The following CACNA2D4 variants were observed in gnomAD, a reference collection of about 807,000 sequenced individuals.
CACNA2D4 encodes calcium voltage-gated channel auxiliary subunit alpha2delta 4.
In CACNA2D4, 157 loss-of-function variants were observed where a neutral mutation model predicts 163.8. The ratio of observed to expected loss-of-function variants is 0.96; its 90% CI spans 0.84 to 1.09. The LOEUF (loss-of-function observed/expected upper bound fraction) is 1.09, where lower values mean the gene tolerates loss of function less well. CACNA2D4 is among the 50% of genes least tolerant of loss of function. The probability of loss-of-function intolerance (pLI) is 0.00; values close to 1 mark genes in which losing one functional copy is unlikely to be tolerated. For missense variants in CACNA2D4, 1,410 were observed against 1,479.9 expected, an observed-to-expected ratio of 0.95 and a Z score of 0.78; for synonymous variants, 598 against 586.9, an observed-to-expected ratio of 1.02 and a Z score of -0.27.
rs1372626684 is a variant in CACNA2D4, at chr12:1,798,703, C to T, written c.2995+972G>A. ...GTAGGCCAGACCAGGGGGAGGAGCT[C>T]CAGGGGACAGGTACCCCAGAGAAGA... On this transcript the variant is annotated intron_variant, in intron 34 of 37. Coordinates refer to ENST00000382722, the MANE Select transcript of CACNA2D4 (RefSeq NM_172364.5). The surrounding 1 kb of genome is among the most constrained non-coding windows in gnomAD (Gnocchi z 4.3). Among the ~76,000 whole-genome samples, 2 of 152,128 alleles carry T rather than the reference C, an allele frequency of 1.3e-5. No individual in the cohort carries two copies. Among genetic ancestry groups the T allele is most frequent in the South Asian group, 4.1e-4 (2 of 4,822 alleles).
At chr12:1,837,232 G>A (rs1592700466) in intron 26 of CACNA2D4, among the ~76,000 whole-genome samples, 1 of 152,246 alleles carries the variant, frequency 6.6e-6, no homozygotes, top group Non-Finnish European at 1.5e-5. Flanking sequence ...CCGCACGGTG[G>A]GAGGGGAGGG....
In CACNA2D4 at chr12:1,844,287, G is replaced by A; in HGVS notation, c.2470+115C>T. Reference sequence around the variant, plus strand: ...GGAAGGCAGGAGGGGAACCCTGGTGGTCTGGACATTCTATTCCATATCTCG... The same window carrying A: ...GGAAGGCAGGAGGGGAACCCTGGTGATCTGGACATTCTATTCCATATCTCG... On this transcript the variant is annotated intron_variant, in intron 25 of 37. Coordinates refer to ENST00000382722, the MANE Select transcript of CACNA2D4 (RefSeq NM_172364.5). The surrounding 1 kb of genome is among the most constrained non-coding windows in gnomAD (Gnocchi z 4.2). 1.6e-6 allele frequency: 2 copies of A among 1,283,292 alleles called. No homozygotes were observed. Among genetic ancestry groups the A allele is most frequent in the South Asian group, 3.0e-5 (2 of 67,328 alleles). The allele number at this position is 1,283,292 out of a possible 1,614,324, so 79.5% of individuals were successfully genotyped here.
At chr12:1,885,283 A>G (rs770960986) in intron 9 of CACNA2D4, among the ~76,000 whole-genome samples, 1 of 152,162 alleles carries the variant, frequency 6.6e-6, no homozygotes, top group Non-Finnish European at 1.5e-5. Context: ...AGGGGAAATG[A>G]CTTGGTACAC....
In CACNA2D4 at chr12:1,829,042, G is replaced by C. The variant is rs1033437748; in HGVS notation, c.2551+11697C>G. On this transcript the variant is annotated intron_variant, in intron 26 of 37. Transcript: ENST00000382722. This position sits in a 1 kb window ranked among gnomAD's most constrained non-coding sequence, Gnocchi z 4.2. ...AGCCTGAATTATTCACCATGTGAGA[G>C]AGGCTGGCCCCTGAGTGACTCAGAT... 6.6e-6 allele frequency among the ~76,000 whole-genome samples: 1 copy of C among 152,208 alleles called. No individual in the cohort carries two copies. Among genetic ancestry groups the C allele is most frequent in the Non-Finnish European group, 1.5e-5 (1 of 68,046 alleles).
chr12:1,907,413 C>T (rs1204026364), intron 6 of CACNA2D4, 27 bp downstream of exon 6: 3 of 1,605,192 alleles, frequency 1.9e-6, no homozygotes, highest in East Asian at 2.2e-5. Context: ...CCCAGAAGGT[C>T]GGGGAGATGC....
At chr12:1,902,070 G>C (rs753122755) in intron 6 of CACNA2D4, among the ~76,000 whole-genome samples, 1 of 151,900 alleles carries the variant, frequency 6.6e-6, no homozygotes, top group Non-Finnish European at 1.5e-5. Flanking sequence ...ATGCAAATCA[G>C]TCAATATAAT....
chr12:1,851,001 G>A (rs754768859), intron 23 of CACNA2D4, among the ~76,000 whole-genome samples: 10 of 152,188 alleles, frequency 6.6e-5, no homozygotes, highest in Non-Finnish European at 1.5e-4. Context: ...TCCCTGAGCA[G>A]CTGAGTAGCT....
chr12:1,797,313 G>A (rs1032210068), intron 35 of CACNA2D4, 105 bp downstream of exon 35: 9 of 832,220 alleles, frequency 1.1e-5, no homozygotes, highest in East Asian at 2.7e-5. Context: ...CCTCCTCCCG[G>A]CTGTGGAGCC....
intron 1 of CACNA2D4, among the ~76,000 whole-genome samples, chr12:1,915,439 G>A (rs745938629): frequency 1.3e-5 from 2 of 152,216 alleles, no homozygotes; most frequent in Non-Finnish European, 2.9e-5. Context: ...CCTCAGGCCA[G>A]GGCCGGAGGA....
chr12:1,901,780 A>C (rs1866543396), intron 6 of CACNA2D4, among the ~76,000 whole-genome samples: 3 of 152,084 alleles, frequency 2.0e-5, no homozygotes, highest in African/African-American at 7.2e-5. Flanking sequence ...AAAGAACTAA[A>C]ACTGATACCA....
At position 1,882,419 on chromosome 12, in the gene CACNA2D4, C is replaced by G. The variant is rs79277589; in HGVS notation, c.1485+448G>C. Among the ~76,000 whole-genome samples, 1,107 of 151,840 alleles carry G rather than the reference C, an allele frequency of 7.3e-3. 13 individuals are homozygous for G. Among genetic ancestry groups the G allele is most frequent in the African/African-American group, 0.025 (1,043 of 41,400 alleles). On this transcript the variant is annotated intron_variant, in intron 13 of 37. Coordinates refer to ENST00000382722, the MANE Select transcript of CACNA2D4 (RefSeq NM_172364.5). ...TGAAGCTCTCCCTTTGATGTTCATTCTTTCGTGCAAGTCATTGCTGCCTAC... is the reference window on the plus strand; with the variant it reads ...TGAAGCTCTCCCTTTGATGTTCATTGTTTCGTGCAAGTCATTGCTGCCTAC...
intron 26 of CACNA2D4, among the ~76,000 whole-genome samples, chr12:1,821,456 T>C (rs1864097002): frequency 6.6e-6 from 1 of 151,862 alleles, no homozygotes; most frequent in African/African-American, 2.4e-5. Flanking sequence ...AGGCTGGGAG[T>C]GGGCAGGAGA....
At position 1,856,100 on chromosome 12, in the gene CACNA2D4, G is replaced by T. The variant is rs542437102; in HGVS notation, c.2064C>A (p.Cys688Ter). The T allele has an allele frequency of 6.2e-7, 1 of 1,613,954 alleles. No homozygotes were observed. The highest frequency in any genetic ancestry group is 8.5e-7 in the Non-Finnish European group (1 of 1,179,816). ...GGTGGTCTGGGTCAATATCTGTGATGCAGTAGATCCTGAAACCCAGGAAAG... is the reference window on the plus strand; with the variant it reads ...GGTGGTCTGGGTCAATATCTGTGATTCAGTAGATCCTGAAACCCAGGAAAG... ...DLALAGDWIY[C>*]ITDIDPDHRK... is the part of the protein sequence containing the mutation. Residue 688 changes from cysteine to a stop codon, truncating the protein, a stop_gained, in exon 22 of 38, where the codon TGC becomes TGA. Coordinates refer to ENST00000382722, the MANE Select transcript of CACNA2D4 (RefSeq NM_172364.5). LOFTEE classifies it high-confidence loss of function.
chr12:1,916,415 G>A (rs886689917), intron 1 of CACNA2D4, among the ~76,000 whole-genome samples: 1 of 152,210 alleles, frequency 6.6e-6, no homozygotes, highest in Non-Finnish European at 1.5e-5. Flanking sequence ...TAAGCACTGG[G>A]TATGTGTCTA....
intron 14 of CACNA2D4, among the ~76,000 whole-genome samples, chr12:1,879,314 C>T (rs947780666): frequency 7.2e-5 from 11 of 152,084 alleles, no homozygotes; most frequent in Admixed American, 2.0e-4. Context: ...TTAATCTTCA[C>T]GGCACAGGGC....
At chr12:1,811,059 C>T (rs1863690410) in intron 27 of CACNA2D4, among the ~76,000 whole-genome samples, 1 of 152,176 alleles carries the variant, frequency 6.6e-6, no homozygotes, top group South Asian at 2.1e-4. Context: ...GTGACCGCAG[C>T]CCCCTGCCCT....
chr12:1,902,968 T>A (rs1866570864), intron 6 of CACNA2D4, among the ~76,000 whole-genome samples: 1 of 152,092 alleles, frequency 6.6e-6, no homozygotes, highest in African/African-American at 2.4e-5. Flanking sequence ...CAAATTATGC[T>A]ACAGAGCTAT....
chr12:1,802,609 C>T lies in CACNA2D4; in HGVS notation c.2722-965G>A, dbSNP rs1169760771. Among the ~76,000 whole-genome samples the T allele has an allele frequency of 6.6e-6, 1 of 152,230 alleles. No homozygotes were observed. The highest frequency in any genetic ancestry group is 1.9e-4 in the East Asian group (1 of 5,202). ...CTTGGGCTTTGGTGTTGGATTTCGA[C>T]TTTAATGTAGGCTGTCTTTAAAAAT... On this transcript the variant is annotated intron_variant, in intron 29 of 37. Coordinates refer to ENST00000382722, the MANE Select transcript of CACNA2D4 (RefSeq NM_172364.5). The surrounding 1 kb of genome is among the most constrained non-coding windows in gnomAD (Gnocchi z 4.7).
chr12:1,810,700 TG>T, intron 27 of CACNA2D4, 113 bp from the exon 28 acceptor site: 1 of 1,096,848 alleles, frequency 9.1e-7, no homozygotes. Flanking sequence ...CATGTGTGCA[TG>T]GGGTGTGTAT....
Sources: gnomAD v4.1 joint callset for allele counts (sites outside exome capture counted in the v4.1 genomes callset) on GRCh38, gnomAD v4.1.1 for gene constraint, Gnocchi (gnomAD v3.1) non-coding constraint, MANE v1.5 for transcripts, NCBI Gene and HGNC (gene_info 2026-07-23, HGNC 2026-07-21) for gene names.